PITPNM2: variants seen among roughly 807,000 people sequenced by gnomAD.
The protein encoded by PITPNM2 is phosphatidylinositol transfer protein membrane associated 2.
In PITPNM2, 35 loss-of-function variants were observed where a neutral mutation model predicts 132.2. The observed-to-expected ratio is 0.26, with a 90% CI of 0.20 to 0.35. PITPNM2 has a LOEUF of 0.35. Among genes scored for constraint, PITPNM2 ranks in the 10% least tolerant of loss-of-function variants. The pLI, the probability that PITPNM2 is intolerant of heterozygous loss-of-function variation, is 1.00. For missense variants in PITPNM2, 1,332 were observed against 1,912.0 expected, an observed-to-expected ratio of 0.70 and a Z score of 5.66; for synonymous variants, 738 against 799.2, an observed-to-expected ratio of 0.92 and a Z score of 1.29.
rs1422948270 is a variant in PITPNM2, at chr12:123,097,634, AGCCTGCCTCACTTGCCTGCCT to A, written c.-96+12730_-96+12750del. On this transcript the variant is annotated intron_variant, in intron 2 of 25. Coordinates refer to ENST00000320201, the MANE Select transcript of PITPNM2 (RefSeq NM_020845.3). The surrounding 1 kb of genome is among the most constrained non-coding windows in gnomAD (Gnocchi z 4.7). The stretch of plus-strand genomic sequence containing the variant: ...AGCCTGTCCGCACGCTCTCCAGTGC[AGCCTGCCTCACTTGCCTGCCT>A]GCCTGCCTTCCTTGCCTGCCTGTCT... Among the ~76,000 whole-genome samples, 7 of 152,356 alleles carry A rather than the reference AGCCTGCCTCACTTGCCTGCCT, an allele frequency of 4.6e-5. No individual in the cohort carries two copies. The highest frequency in any genetic ancestry group is 1.7e-4 in the African/African-American group (7 of 41,586).
intron 2 of PITPNM2, among the ~76,000 whole-genome samples, chr12:123,046,822 T>C (rs2040674673): frequency 6.6e-6 from 1 of 152,344 alleles, no homozygotes; most frequent in East Asian, 1.9e-4. Context: ...GCCCCGTTTT[T>C]ATAACTAAGG....
rs1036040285 is a variant in PITPNM2, at chr12:123,095,719, C to T, written c.-96+14666G>A. Among the ~76,000 whole-genome samples the T allele has an allele frequency of 6.6e-6, 1 of 152,198 alleles. No individual in the cohort carries two copies. Among genetic ancestry groups the T allele is most frequent in the African/African-American group, 2.4e-5 (1 of 41,454 alleles). The stretch of plus-strand genomic sequence containing the variant: ...AGCCAGACTCTCACAGACAGGAGCC[C>T]ATGGGGCTCCTCCTGCCTCGGGGCC... On this transcript the variant is annotated intron_variant, in intron 2 of 25. Transcript: ENST00000320201. This position sits in a 1 kb window ranked among gnomAD's most constrained non-coding sequence, Gnocchi z 5.0.
In PITPNM2 at chr12:122,991,790, G is replaced by A. The variant is rs757041150; in HGVS notation, c.2404+709C>T. The A allele has an allele frequency of 3.8e-6, 5 of 1,299,238 alleles. No homozygotes were observed. In the African/African-American group the frequency reaches 4.5e-5, roughly 12 times the overall value. 80.5% of individuals were successfully genotyped at this position (1,299,238 alleles called of 1,614,324 possible). A position where few individuals can be genotyped will look rare whatever the true frequency, so the allele number is the denominator to read the frequency against. ...GCCCGGGCGGGGCCCGTCTTGCCAG[G>A]TGGGCGCGGGAACAGGCATACTGGT... is the stretch of plus-strand genomic sequence containing the variant. On this transcript the variant is annotated intron_variant, in intron 16 of 25. Transcript: ENST00000320201.
intron 3 of PITPNM2, among the ~76,000 whole-genome samples, chr12:123,029,847 G>C (rs2040013314): frequency 6.6e-6 from 1 of 152,094 alleles, no homozygotes. Flanking sequence ...GTGTGTGTGT[G>C]TGTGTGTGTG....
At chr12:123,072,995 T>C (rs1193317665) in intron 2 of PITPNM2, among the ~76,000 whole-genome samples, 1 of 152,194 alleles carries the variant, frequency 6.6e-6, no homozygotes, top group Admixed American at 6.5e-5. Flanking sequence ...TCTTGAGAGT[T>C]TGGCTGGTGT....
intron 19 of PITPNM2, 85 bp downstream of exon 19, chr12:122,988,639 C>A (rs1194180592): frequency 1.4e-6 from 2 of 1,385,060 alleles, no homozygotes; most frequent in African/African-American, 1.4e-5. Flanking sequence ...AGAGGAGTCC[C>A]CACTGTCCCC....
rs945187780 is a variant in PITPNM2, at chr12:123,111,608, C to T, written c.-199-1120G>A. On this transcript the variant is annotated intron_variant, in intron 1 of 25. Coordinates refer to ENST00000320201, the MANE Select transcript of PITPNM2 (RefSeq NM_020845.3). This position sits in a 1 kb window ranked among gnomAD's most constrained non-coding sequence, Gnocchi z 4.1. ...CAGTGGGAGGTGTGGCTGCAGGGAGCGGGCGGCTCTTCCAACCCCGCCACC... is the reference window on the plus strand; with the variant it reads ...CAGTGGGAGGTGTGGCTGCAGGGAGTGGGCGGCTCTTCCAACCCCGCCACC... Among the ~76,000 whole-genome samples, 2 of 152,178 alleles carry T rather than the reference C, an allele frequency of 1.3e-5. No homozygotes were observed. Among genetic ancestry groups the T allele is most frequent in the Non-Finnish European group, 2.9e-5 (2 of 68,030 alleles).
intron 16 of PITPNM2, chr12:122,991,736 A>G (rs1281511861): frequency 7.7e-7 from 1 of 1,295,732 alleles, no homozygotes; most frequent in East Asian, 2.8e-5. Flanking sequence ...CGTCACCACG[A>G]GCAGGGGAGG....
Position 123,105,033 on chromosome 12 carries a change from C to A in PITPNM2, c.-96+5352G>T, listed in dbSNP as rs191264488. Among the ~76,000 whole-genome samples the A allele has an allele frequency of 6.8e-3, 1,041 of 152,260 alleles. 9 individuals are homozygous for A. The highest frequency in any genetic ancestry group is 0.012 in the Non-Finnish European group (847 of 68,020). ...GCCCTCAATATTCTCTGACCTCCTCCCCTGCTTCTCTTCCCCTCATTCACT... is the reference window on the plus strand; with the variant it reads ...GCCCTCAATATTCTCTGACCTCCTCACCTGCTTCTCTTCCCCTCATTCACT... On this transcript the variant is annotated intron_variant, in intron 2 of 25. Coordinates refer to ENST00000320201, the MANE Select transcript of PITPNM2 (RefSeq NM_020845.3).
At chr12:123,012,557 C>A in intron 5 of PITPNM2, 56 bp downstream of exon 5, 1 of 1,597,776 alleles carries the variant, frequency 6.3e-7, no homozygotes, top group Non-Finnish European at 8.6e-7. Flanking sequence ...ACAAGAGGGA[C>A]CTGTGGGTAG....
At chr12:123,014,109 G>A in intron 3 of PITPNM2, 67 bp from the exon 4 acceptor site, 2 of 1,554,974 alleles carry the variant, frequency 1.3e-6, no homozygotes, top group Non-Finnish European at 8.8e-7. Flanking sequence ...AAGGGGCACA[G>A]GAGACTGGGC....
chr12:123,067,461 A>T (rs1424932741), intron 2 of PITPNM2, among the ~76,000 whole-genome samples: 1 of 135,706 alleles, frequency 7.4e-6, no homozygotes, highest in Non-Finnish European at 1.7e-5. Flanking sequence ...CATCACACAC[A>T]CACACACACA....
chr12:122,985,145 G>T lies in PITPNM2; in HGVS notation c.*882C>A, dbSNP rs1259664201. On this transcript the variant is annotated 3_prime_UTR_variant, in exon 26 of 26. Coordinates refer to ENST00000320201, the MANE Select transcript of PITPNM2 (RefSeq NM_020845.3). Reference sequence around the variant, plus strand: ...TCCGTCACAGTGCTGGGTGTTTTCAGTGTGGAGGGGCTGCTCTCAGTACTG... The same window carrying T: ...TCCGTCACAGTGCTGGGTGTTTTCATTGTGGAGGGGCTGCTCTCAGTACTG... 4 of 152,582 alleles carry T rather than the reference G, an allele frequency of 2.6e-5. No individual in the cohort carries two copies. The highest frequency in any genetic ancestry group is 5.9e-5 in the Non-Finnish European group (4 of 68,048). The allele number at this position is 152,582 out of a possible 1,614,324, so 9.5% of individuals were successfully genotyped here. A position where few individuals can be genotyped will look rare whatever the true frequency, so the allele number is the denominator to read the frequency against.
intron 3 of PITPNM2, among the ~76,000 whole-genome samples, chr12:123,017,044 T>C (rs932891345): frequency 8.2e-6 from 1 of 121,688 alleles, no homozygotes; most frequent in Non-Finnish European, 1.7e-5. Context: ...AGACTCCATC[T>C]CAAAAAAAAA....
chr12:123,092,158 C>T (rs1181249139), intron 2 of PITPNM2: 1 of 152,204 alleles, frequency 6.6e-6, no homozygotes, highest in African/African-American at 2.4e-5. Context: ...CAGACTGTTT[C>T]CTGCAACCCC....
In PITPNM2 at chr12:123,009,824, T is replaced by G; in HGVS notation, c.643+26A>C. On this transcript the variant is annotated intron_variant, in intron 6 of 25. Coordinates refer to ENST00000320201, the MANE Select transcript of PITPNM2 (RefSeq NM_020845.3). This position sits in a 1 kb window ranked among gnomAD's most constrained non-coding sequence, Gnocchi z 4.8. Reference sequence around the variant, plus strand: ...CAGAGGGGTTGGGTAGCCCAGCCACTGCCCACCTGGCATGGGTGTGCTCAC... The same window carrying G: ...CAGAGGGGTTGGGTAGCCCAGCCACGGCCCACCTGGCATGGGTGTGCTCAC... 2 of 1,606,556 alleles carry G rather than the reference T, an allele frequency of 1.2e-6. No homozygotes were observed. Among genetic ancestry groups the G allele is most frequent in the South Asian group, 2.2e-5 (2 of 90,950 alleles).
chr12:123,141,921 C>T (rs1363079917), intron 1 of PITPNM2, among the ~76,000 whole-genome samples: 1 of 152,180 alleles, frequency 6.6e-6, no homozygotes, highest in Non-Finnish European at 1.5e-5. Flanking sequence ...TCTGGCTCTC[C>T]TATTTGTTTG....
At chr12:123,101,319 C>T (rs183258293) in intron 2 of PITPNM2, among the ~76,000 whole-genome samples, 49 of 152,316 alleles carry the variant, frequency 3.2e-4, no homozygotes, top group African/African-American at 1.1e-3. Flanking sequence ...TGCCGAGATG[C>T]CACCTCCCCA....
intron 16 of PITPNM2, chr12:122,991,623 CAA>C: frequency 1.0e-6 from 1 of 1,003,714 alleles, no homozygotes; most frequent in Non-Finnish European, 1.3e-6. Context: ...CCGTCCTGCC[CAA>C]GTCTCTGTTC....
Sources: allele counts gnomAD v4.1 joint callset (sites outside exome capture counted in the v4.1 genomes callset), GRCh38; gene constraint gnomAD v4.1.1; non-coding constraint Gnocchi (gnomAD v3.1); transcripts MANE v1.5; gene names NCBI Gene and HGNC (gene_info 2026-07-23, HGNC 2026-07-21).